The following CPZ variants were observed in gnomAD, a reference collection of about 807,000 sequenced individuals.
CPZ encodes the protein VEZT/CPZ fusion.
A neutral mutation model predicts 61.8 loss-of-function variants in CPZ; 103 were observed. That is an observed-to-expected ratio of 1.67 (90% CI 1.42 to 1.96). The LOEUF (loss-of-function observed/expected upper bound fraction) is 1.96. Among genes scored for constraint, CPZ ranks in the 30% most tolerant of loss-of-function variants. The pLI, the probability that CPZ is intolerant of heterozygous loss-of-function variation, is 0.00. For missense variants in CPZ, 1,461 were observed against 914.9 expected (o/e 1.60, Z -7.70); for synonymous variants, 551 against 373.7 (o/e 1.47, Z -5.47).
At chr4:8,618,115 G>T in intron 9 of CPZ, 1 of 360,854 alleles carries the variant, frequency 2.8e-6, no homozygotes, top group Non-Finnish European at 5.2e-6. Context: ...TGCCGATCAG[G>T]CAGAAGAGTG....
At chr4:8,608,559 G>A (rs1281764380) in intron 7 of CPZ, among the ~76,000 whole-genome samples, 1 of 151,868 alleles carries the variant, frequency 6.6e-6, no homozygotes, top group Admixed American at 6.6e-5. Context: ...CCTGCGCTGG[G>A]GGTCCTCAGT....
At position 8,619,317 on chromosome 4, in the gene CPZ, C is replaced by G. The variant is rs748917562; in HGVS notation, c.1659C>G (p.Ala553=). 2 of 1,613,938 alleles carry G rather than the reference C, an allele frequency of 1.2e-6. No homozygotes were observed. Among genetic ancestry groups the G allele is most frequent in the Admixed American group, 3.3e-5 (2 of 59,988 alleles). The change falls in exon 11 of 11, where the codon GCC becomes GCG. Residue 553 remains alanine (A), a synonymous_variant. Transcript: ENST00000360986. ...CCCCAGGTATCCACATTGTCATTGC[C>G]CAAGCCCCTGGCTACGCCAAAGTCA... ...LLPPGIHIVI[A]QAPGYAKVIK...
Position 8,606,171 on chromosome 4 carries a change from G to A in CPZ, c.892G>A (p.Val298Met). The A allele has an allele frequency of 2.5e-6, 4 of 1,613,800 alleles. No homozygotes were observed. Among genetic ancestry groups the A allele is most frequent in the Non-Finnish European group, 3.4e-6 (4 of 1,179,882 alleles). The change falls in exon 5 of 11, where the codon GTG becomes ATG. Residue 298 changes from valine to methionine, a missense_variant. Physicochemically the swap from Val to Met is conservative, Grantham distance 21. Transcript: ENST00000360986. ...LPSMNPDGYE[V>M]AAAEGAGYNG... ...CTCCATGAACCCTGACGGCTATGAGGTGGCAGCTGCCGAGGTGAGCGCCCA... is the reference window on the plus strand; with the variant it reads ...CTCCATGAACCCTGACGGCTATGAGATGGCAGCTGCCGAGGTGAGCGCCCA...
chr4:8,594,016 T>A (rs938845784), intron 1 of CPZ, among the ~76,000 whole-genome samples: 1 of 151,956 alleles, frequency 6.6e-6, no homozygotes, highest in African/African-American at 2.4e-5. Flanking sequence ...CACAGCCCCC[T>A]CCTCCAGGAA....
In CPZ at chr4:8,603,961, C is replaced by G. The variant is rs778013675; in HGVS notation, c.497-15C>G. The G allele has an allele frequency of 4.0e-5, 65 of 1,610,376 alleles. No individual in the cohort carries two copies. Among genetic ancestry groups the G allele is most frequent in the Non-Finnish European group, 5.3e-5 (62 of 1,178,694 alleles). On this transcript the variant is annotated splice_polypyrimidine_tract_variant and intron_variant, in intron 3 of 10. Coordinates refer to ENST00000360986, the MANE Select transcript of CPZ (RefSeq NM_001014447.3). ...GGGGCCTGACACTGACTGAGCCCCC[C>G]CACTGCTCCCCCAGGAGGCCTGGAG...
At chr4:8,614,741 G>C (rs1163960816) in intron 9 of CPZ, among the ~76,000 whole-genome samples, 1 of 152,144 alleles carries the variant, frequency 6.6e-6, no homozygotes, top group Non-Finnish European at 1.5e-5. Context: ...TGTGAGCAAG[G>C]ATGTTACAGC....
At chr4:8,607,005 G>T in intron 6 of CPZ, 107 bp downstream of exon 6, 1 of 1,313,326 alleles carries the variant, frequency 7.6e-7, no homozygotes, top group Non-Finnish European at 1.0e-6. Context: ...AGAGCCTGGT[G>T]CTCCCTCCCT....
At chr4:8,599,398 G>T in intron 1 of CPZ, 55 bp from the exon 2 acceptor site, 3 of 1,545,984 alleles carry the variant, frequency 1.9e-6, no homozygotes, top group Admixed American at 1.8e-5. Flanking sequence ...TGTGTTGCCC[G>T]GTGAGTGAAG....
intron 8 of CPZ, among the ~76,000 whole-genome samples, 168 bp downstream of exon 8, chr4:8,612,330 C>T (rs976287605): frequency 6.7e-6 from 1 of 148,582 alleles, no homozygotes; most frequent in Non-Finnish European, 1.5e-5. Context: ...AGTTTTGTTT[C>T]TGTCTTGATG....
chr4:8,617,660 G>C (rs915975567), intron 9 of CPZ, among the ~76,000 whole-genome samples: 3 of 152,102 alleles, frequency 2.0e-5, no homozygotes, highest in Admixed American at 2.0e-4. Context: ...GCTGAGCCCC[G>C]TGCAGGGCCC....
At chr4:8,603,747 C>T (rs931223014) in intron 3 of CPZ, 2 of 577,984 alleles carry the variant, frequency 3.5e-6, no homozygotes, top group African/African-American at 1.9e-5. Flanking sequence ...TATGTTTACT[C>T]ACAGTCACGT....
intron 1 of CPZ, among the ~76,000 whole-genome samples, chr4:8,595,017 C>A (rs1296156848): frequency 6.6e-6 from 1 of 152,220 alleles, no homozygotes; most frequent in Non-Finnish European, 1.5e-5. Flanking sequence ...CGTGATCCAC[C>A]CGCCTTGGCC....
chr4:8,617,007 G>A (rs920241119), intron 9 of CPZ, among the ~76,000 whole-genome samples: 1 of 152,200 alleles, frequency 6.6e-6, no homozygotes, highest in Admixed American at 6.5e-5. Context: ...ACAGAGATAA[G>A]TGCTAGCATG....
intron 1 of CPZ, among the ~76,000 whole-genome samples, chr4:8,596,622 A>T (rs1182556377): frequency 1.3e-5 from 2 of 152,214 alleles, no homozygotes; most frequent in African/African-American, 4.8e-5. Context: ...ATTAATCTTG[A>T]TGGATCCTCC....
intron 1 of CPZ, among the ~76,000 whole-genome samples, chr4:8,595,544 G>A (rs1402116431): frequency 6.6e-6 from 1 of 152,250 alleles, no homozygotes; most frequent in Non-Finnish European, 1.5e-5. Context: ...CAAGGCAGCT[G>A]GCAAAGGCCC....
At chr4:8,609,009 T>A (rs1330578178) in intron 7 of CPZ, among the ~76,000 whole-genome samples, 22 of 112,196 alleles carry the variant, frequency 2.0e-4, no homozygotes, top group Non-Finnish European at 1.5e-4. Context: ...CACTTGTTCA[T>A]CATTCATTAA....
Position 8,599,654 on chromosome 4 carries a change from A to C in CPZ, c.121+169A>C, listed in dbSNP as rs7671320. On this transcript the variant is annotated intron_variant, in intron 2 of 10. Transcript: ENST00000360986. The stretch of plus-strand genomic sequence containing the variant: ...GTAAACAGCCAGAGAAAAATTAGAC[A>C]TAACAAAAAAAGACCAGCTAGGAAA... The C allele has an allele frequency of 2.1e-4, 302 of 1,439,414 alleles. 1 individual carries two copies. The African/African-American group carries it at 3.6e-3, about 17-fold the overall frequency. 89.2% of individuals were successfully genotyped at this position (1,439,414 alleles called of 1,614,324 possible).
At chr4:8,594,618 C>G (rs1023670442) in intron 1 of CPZ, among the ~76,000 whole-genome samples, 1 of 152,152 alleles carries the variant, frequency 6.6e-6, no homozygotes, top group Non-Finnish European at 1.5e-5. Flanking sequence ...ATGCTGCCAC[C>G]TCGTGGTTAA....
At chr4:8,606,215 G>T in intron 5 of CPZ, 30 bp downstream of exon 5, 3 of 1,591,600 alleles carry the variant, frequency 1.9e-6, no homozygotes, top group Non-Finnish European at 2.6e-6. Context: ...GATCCTGTGG[G>T]CCACCGCCCG....
Sources: gnomAD v4.1 joint callset for allele counts (sites outside exome capture counted in the v4.1 genomes callset) on GRCh38, gnomAD v4.1.1 for gene constraint, MANE v1.5 for transcripts, NCBI Gene and HGNC (gene_info 2026-07-23, HGNC 2026-07-21) for gene names.